The following ARHGEF18 variants were observed in gnomAD, a reference collection of about 807,000 sequenced individuals.
ARHGEF18 encodes Rho/Rac guanine nucleotide exchange factor 18.
ARHGEF18 carries 93 observed loss-of-function variants against 155.7 expected under a neutral mutation model. That is an observed-to-expected ratio of 0.60 (90% CI 0.50 to 0.71). The LOEUF is 0.71. Ranked by LOEUF, ARHGEF18 falls within the 30% of genes least tolerant of loss-of-function variation. ARHGEF18 has a pLI of 0.00. For missense variants in ARHGEF18, 1,593 were observed against 1,816.1 expected (o/e 0.88, Z 2.23); for synonymous variants, 742 against 753.1 (o/e 0.99, Z 0.24).
intron 10 of ARHGEF18, chr19:7,439,893 T>C (rs745466686): frequency 5.6e-5 from 82 of 1,452,378 alleles, no homozygotes; most frequent in Non-Finnish European, 7.2e-5. Flanking sequence ...TGTTTTTTTT[T>C]TCTGTTTTAT....
intron 10 of ARHGEF18, among the ~76,000 whole-genome samples, chr19:7,402,561 AAG>A (rs1972073256): frequency 6.6e-6 from 1 of 152,212 alleles, no homozygotes; most frequent in Non-Finnish European, 1.5e-5. Context: ...AGCAGTTACA[AAG>A]AGAGGAAGAG....
chr19:7,466,838 A>G (rs1360718627), intron 23 of ARHGEF18, 80 bp from the exon 24 acceptor site: 4 of 1,122,336 alleles, frequency 3.6e-6, no homozygotes, highest in Non-Finnish European at 1.3e-6. Flanking sequence ...TTAAAAAAAA[A>G]GAAGAAGAAG....
chr19:7,364,388 G>GGAAA (rs1568267388), intron 2 of ARHGEF18, among the ~76,000 whole-genome samples: 3 of 146,652 alleles, frequency 2.0e-5, no homozygotes, highest in Non-Finnish European at 4.5e-5. Context: ...AAGGAAGGAA[G>GGAAA]GAAGGAAGGA....
chr19:7,473,702 C>T (rs926826770), downstream of ARHGEF18, among the ~76,000 whole-genome samples: 11 of 149,816 alleles, frequency 7.3e-5, no homozygotes, highest in African/African-American at 1.5e-4. Context: ...CCCAGCTACT[C>T]GGGAGGCTGA....
intron 26 of ARHGEF18, 67 bp downstream of exon 26, chr19:7,467,751 G>A: frequency 7.2e-7 from 1 of 1,383,694 alleles, no homozygotes; most frequent in East Asian, 3.0e-5. Context: ...TTGCACGAGT[G>A]CATGCAGGTG....
intron 10 of ARHGEF18, among the ~76,000 whole-genome samples, chr19:7,429,869 G>T (rs927166954): frequency 6.6e-6 from 1 of 152,080 alleles, no homozygotes; most frequent in Non-Finnish European, 1.5e-5. Context: ...GAGCGCTCCC[G>T]TGCATATGCC....
rs747439388 is a variant in ARHGEF18 at position 7,444,230 on chromosome 19, G to A, written c.1387G>A (p.Val463Met). 1.2e-6 allele frequency: 2 copies of A among 1,613,500 alleles called. No individual in the cohort carries two copies. Among genetic ancestry groups the A allele is most frequent in the Middle Eastern group, 1.7e-4 (1 of 6,054 alleles). ...YELMQTEVHH[V>M]RTLKIMLKVY... Reference sequence around the variant, plus strand: ...GCTGATGCAGACAGAGGTGCACCACGTGCGGACGCTCAAGATCATGCTGAA... The same window carrying A: ...GCTGATGCAGACAGAGGTGCACCACATGCGGACGCTCAAGATCATGCTGAA... The change falls in exon 14 of 29, where the codon GTG becomes ATG. Residue 463 changes from valine to methionine, a missense_variant. By Grantham distance (21) the Val-to-Met change is conservative. Transcript: ENST00000668164. The surrounding 1 kb of genome is among the most constrained non-coding windows in gnomAD (Gnocchi z 4.7).
rs182934371 is a variant in ARHGEF18, at chr19:7,441,562, C to T, written c.1107-91C>T. On this transcript the variant is annotated intron_variant, in intron 11 of 28. Coordinates refer to ENST00000668164, the MANE Select transcript of ARHGEF18 (RefSeq NM_001367823.1). ...GGAGAGTTCTCAGAGAGTATCGAAT[C>T]GGATGGAGTCACCGATGTGCCTTTG... 1.6e-4 allele frequency: 144 copies of T among 907,780 alleles called. 3 individuals are homozygous for T. The East Asian group carries it at 3.2e-3, about 20-fold the overall frequency. 56.2% of individuals were successfully genotyped at this position (907,780 alleles called of 1,614,324 possible).
chr19:7,404,278 T>G (rs370132902), intron 10 of ARHGEF18, among the ~76,000 whole-genome samples: 2 of 152,130 alleles, frequency 1.3e-5, no homozygotes, highest in South Asian at 2.1e-4. Flanking sequence ...ATCCCTTCCC[T>G]GTCCTGGCTC....
intron 2 of ARHGEF18, among the ~76,000 whole-genome samples, chr19:7,369,777 A>AC (rs1275226953): frequency 1.1e-4 from 16 of 152,294 alleles, no homozygotes; most frequent in African/African-American, 3.8e-4. Flanking sequence ...AGCCTGGGCG[A>AC]CAGAGTGAGA....
At position 7,385,766 on chromosome 19, in the gene ARHGEF18, G is replaced by A. The variant is rs151060602; in HGVS notation, c.967+2563G>A. Among the ~76,000 whole-genome samples the A allele has an allele frequency of 9.3e-3, 1,407 of 151,442 alleles. 28 individuals are homozygous for A. Among genetic ancestry groups the A allele is most frequent in the African/African-American group, 0.032 (1,330 of 41,202 alleles). On this transcript the variant is annotated intron_variant, in intron 10 of 28. Coordinates refer to ENST00000668164, the MANE Select transcript of ARHGEF18 (RefSeq NM_001367823.1). ...GCTGGGATTACAGGCGTGAGCCACC[G>A]CGCCTGGCCTGTCACCTGGGAACTT...
At chr19:7,467,157 C>T in intron 25 of ARHGEF18, 39 bp downstream of exon 25, 1 of 1,580,380 alleles carries the variant, frequency 6.3e-7, no homozygotes, top group Non-Finnish European at 8.6e-7. Flanking sequence ...CGTGCCCTTT[C>T]CTGGTTGGCT....
intron 1 of ARHGEF18, chr19:7,355,748 G>T: frequency 2.0e-6 from 2 of 981,290 alleles, no homozygotes; most frequent in Non-Finnish European, 2.4e-6. Flanking sequence ...ACCCAGGTGG[G>T]GATCCCAGGA....
Position 7,462,524 on chromosome 19 carries a change from A to G in ARHGEF18, c.2635+190A>G, listed in dbSNP as rs1976340903. ...TGTGAGAGCCAGAAGGGCCTTAGAC[A>G]TAATCTGGGCCAAGCCGCTCCTTGC... is the stretch of plus-strand genomic sequence containing the variant. On this transcript the variant is annotated intron_variant, in intron 21 of 28. Coordinates refer to ENST00000668164, the MANE Select transcript of ARHGEF18 (RefSeq NM_001367823.1). The surrounding 1 kb of genome is among the most constrained non-coding windows in gnomAD (Gnocchi z 4.4). Among the ~76,000 whole-genome samples, 1 of 152,224 alleles carries G rather than the reference A, an allele frequency of 6.6e-6. No homozygotes were observed. Among genetic ancestry groups the G allele is most frequent in the Non-Finnish European group, 1.5e-5 (1 of 68,046 alleles).
chr19:7,359,705 T>G (rs60089235), intron 1 of ARHGEF18, among the ~76,000 whole-genome samples: 1 of 152,134 alleles, frequency 6.6e-6, no homozygotes, highest in East Asian at 1.9e-4. Context: ...GCTCAGTATA[T>G]GACACCAGGA....
intron 16 of ARHGEF18, 28 bp downstream of exon 16, chr19:7,451,294 G>T (rs199986371): frequency 1.5e-5 from 24 of 1,597,322 alleles, no homozygotes; most frequent in Non-Finnish European, 2.1e-5. Flanking sequence ...TGCCCCGCCC[G>T]CCCGTGCTGC....
chr19:7,409,484 G>A (rs983150679), intron 10 of ARHGEF18, among the ~76,000 whole-genome samples: 4 of 149,568 alleles, frequency 2.7e-5, no homozygotes, highest in Non-Finnish European at 5.9e-5. Context: ...CTGGAGTGCA[G>A]TGGTACAATC....
intron 13 of ARHGEF18, among the ~76,000 whole-genome samples, chr19:7,442,481 C>T (rs917179244): frequency 5.3e-5 from 8 of 152,114 alleles, no homozygotes; most frequent in Admixed American, 5.2e-4. Context: ...GTGACCCGCC[C>T]GCCTGGGCCT....
At position 7,467,131 on chromosome 19, in the gene ARHGEF18, G is replaced by A. The variant is rs772714858; in HGVS notation, c.3009+13G>A. Reference sequence around the variant, plus strand: ...CCTGAACCTTCAGGTACAGGGGCGGGGTGGGGCCGGCCACGCGTGCCCTTT... The same window carrying A: ...CCTGAACCTTCAGGTACAGGGGCGGAGTGGGGCCGGCCACGCGTGCCCTTT... On this transcript the variant is annotated intron_variant, in intron 25 of 28. Coordinates refer to ENST00000668164, the MANE Select transcript of ARHGEF18 (RefSeq NM_001367823.1). The A allele has an allele frequency of 8.4e-5, 133 of 1,592,494 alleles. No homozygotes were observed. The highest frequency in any genetic ancestry group is 1.0e-4 in the Non-Finnish European group (122 of 1,165,544).
Sources: allele counts gnomAD v4.1 joint callset (sites outside exome capture counted in the v4.1 genomes callset), GRCh38; gene constraint gnomAD v4.1.1; non-coding constraint Gnocchi (gnomAD v3.1); transcripts MANE v1.5; gene names NCBI Gene and HGNC (gene_info 2026-07-23, HGNC 2026-07-21).